The following NXPE2 variants were observed in gnomAD, a reference collection of about 807,000 sequenced individuals.
NXPE2 encodes NXPE family member 2.
Under a neutral mutation model 34.4 loss-of-function variants are expected in NXPE2, and 34 were observed. The observed-to-expected ratio is 0.99, with a 90% CI of 0.75 to 1.31. NXPE2 has a LOEUF of 1.31. Ranked by LOEUF, NXPE2 falls within the 40% of genes most tolerant of loss-of-function variation. NXPE2 has a pLI of 0.00. For synonymous variants in NXPE2, 235 were observed against 231.3 expected (o/e 1.02, Z -0.15); for missense variants, 649 against 672.5 (o/e 0.97, Z 0.39).
chr11:114,533,034 T>C, the NXPE2 span, among the ~76,000 whole-genome samples: 1 of 152,220 alleles, frequency 6.6e-6, no homozygotes, highest in South Asian at 2.1e-4. Flanking sequence ...GCAAGGATGT[T>C]AGCCACAATT....
chr11:114,480,809 G>A, the NXPE2 span, among the ~76,000 whole-genome samples: 1 of 152,132 alleles, frequency 6.6e-6, no homozygotes, highest in Admixed American at 6.6e-5. Context: ...ACAAAAAATA[G>A]GATAATTAAT....
the NXPE2 span, among the ~76,000 whole-genome samples, chr11:114,749,235 G>A: frequency 6.6e-6 from 1 of 152,106 alleles, no homozygotes; most frequent in African/African-American, 2.4e-5. Context: ...ATATATGTAT[G>A]TATGCATATA....
At chr11:114,789,657 T>TA in the NXPE2 span, among the ~76,000 whole-genome samples, 6 of 152,158 alleles carry the variant, frequency 3.9e-5, no homozygotes, top group Non-Finnish European at 7.3e-5. Context: ...AAAAGAGGGT[T>TA]AGTTGGCTCA....
chr11:114,722,569 A>C, the NXPE2 span, among the ~76,000 whole-genome samples: 1 of 152,182 alleles, frequency 6.6e-6, no homozygotes, highest in Non-Finnish European at 1.5e-5. Flanking sequence ...GTGGGCAGAG[A>C]CAAAATGTAA....
chr11:114,610,131 G>T, the NXPE2 span, among the ~76,000 whole-genome samples: 1 of 151,822 alleles, frequency 6.6e-6, no homozygotes, highest in Non-Finnish European at 1.5e-5. Flanking sequence ...GTTACCCCGT[G>T]GATAATAAGT....
the NXPE2 span, among the ~76,000 whole-genome samples, chr11:114,742,377 C>A: frequency 6.6e-6 from 1 of 152,132 alleles, no homozygotes; most frequent in Non-Finnish European, 1.5e-5. Flanking sequence ...TTGCTCCCAT[C>A]TTCTCCCAAC....
the NXPE2 span, among the ~76,000 whole-genome samples, chr11:114,736,354 C>T: frequency 6.6e-6 from 1 of 152,150 alleles, no homozygotes; most frequent in Non-Finnish European, 1.5e-5. Flanking sequence ...CCCAAGGAAG[C>T]CATTTCAGAG....
intron 2 of NXPE2, among the ~76,000 whole-genome samples, chr11:114,691,492 G>C (rs182596252): frequency 2.0e-5 from 3 of 152,126 alleles, no homozygotes; most frequent in Admixed American, 2.0e-4. Flanking sequence ...GCAGCTAGGG[G>C]CAGGGGCAGA....
the NXPE2 span, among the ~76,000 whole-genome samples, chr11:114,812,411 G>C: frequency 6.6e-6 from 1 of 152,186 alleles, no homozygotes; most frequent in East Asian, 1.9e-4. Flanking sequence ...TTTCAATGTA[G>C]AGCAGGTGGC....
At chr11:114,624,778 C>T in the NXPE2 span, among the ~76,000 whole-genome samples, 10 of 152,214 alleles carry the variant, frequency 6.6e-5, no homozygotes, top group East Asian at 1.4e-3. Flanking sequence ...AGTATTGCCT[C>T]GTGGGTAAGC....
At chr11:114,668,135 A>G in the NXPE2 span, among the ~76,000 whole-genome samples, 1 of 151,274 alleles carries the variant, frequency 6.6e-6, no homozygotes, top group Non-Finnish European at 1.5e-5. Context: ...GCCTGCTCTT[A>G]AGCTATTGGC....
the NXPE2 span, among the ~76,000 whole-genome samples, chr11:114,520,171 TTAACTATAGTTCTCATGCTG>T: frequency 6.6e-6 from 1 of 152,160 alleles, no homozygotes; most frequent in African/African-American, 2.4e-5. Flanking sequence ...ATATACAATA[TTAACTATAGTTCTCATGCTG>T]TACATTAGCT....
At chr11:114,524,292 G>A in the NXPE2 span, among the ~76,000 whole-genome samples, 1 of 152,162 alleles carries the variant, frequency 6.6e-6, no homozygotes, top group Non-Finnish European at 1.5e-5. Context: ...TATTACTAAA[G>A]AAGGAGAAGG....
At chr11:114,612,866 C>T in the NXPE2 span, among the ~76,000 whole-genome samples, 2 of 151,796 alleles carry the variant, frequency 1.3e-5, no homozygotes, top group African/African-American at 2.4e-5. Flanking sequence ...TCAATGTTAC[C>T]CCGTGGATAA....
At chr11:114,605,619 T>G in the NXPE2 span, among the ~76,000 whole-genome samples, 1 of 151,840 alleles carries the variant, frequency 6.6e-6, no homozygotes, top group African/African-American at 2.4e-5. Flanking sequence ...CGGTGGATAA[T>G]AAGTGTTGCC....
chr11:114,490,350 A>C, the NXPE2 span, among the ~76,000 whole-genome samples: 1 of 152,102 alleles, frequency 6.6e-6, no homozygotes, highest in Non-Finnish European at 1.5e-5. Flanking sequence ...GAATTGGAAA[A>C]AACTAAAGTT....
chr11:114,536,915 C>G, the NXPE2 span, among the ~76,000 whole-genome samples: 3 of 152,154 alleles, frequency 2.0e-5, no homozygotes, highest in African/African-American at 7.2e-5. Flanking sequence ...CGGGAATCCT[C>G]CCTAACTCAT....
the NXPE2 span, among the ~76,000 whole-genome samples, chr11:114,465,078 TGA>T: frequency 2.0e-5 from 3 of 152,324 alleles, no homozygotes; most frequent in Middle Eastern, 3.4e-3. Context: ...CACTTACTGG[TGA>T]GAATGTAAAT....
the NXPE2 span, among the ~76,000 whole-genome samples, chr11:114,614,438 C>T: frequency 2.3e-4 from 35 of 151,966 alleles, no homozygotes; most frequent in East Asian, 1.6e-3. Context: ...AGTATTGCCT[C>T]GTGGGTAACC....
Sources: gnomAD v4.1 joint callset for allele counts (sites outside exome capture counted in the v4.1 genomes callset) on GRCh38, gnomAD v4.1.1 for gene constraint, MANE v1.5 for transcripts, NCBI Gene and HGNC (gene_info 2026-07-23, HGNC 2026-07-21) for gene names.